Variants in CADM2 observed in about 807,000 individuals in gnomAD.
CADM2 encodes the protein immunoglobulin superfamily member 4D.
Under a neutral mutation model 49.8 loss-of-function variants are expected in CADM2, and 12 were observed. That is an observed-to-expected ratio of 0.24 (90% CI 0.15 to 0.39). The LOEUF (loss-of-function observed/expected upper bound fraction) is 0.39, where lower values mean the gene tolerates loss of function less well. Among genes scored for constraint, CADM2 ranks in the 10% least tolerant of loss-of-function variants. CADM2 has a pLI of 1.00. For synonymous variants in CADM2, 214 were observed against 175.4 expected (o/e 1.22, Z -1.74); for missense variants, 378 against 492.3 (o/e 0.77, Z 2.20).
At chr3:85,577,685 A>G in intron 1 of CADM2, among the ~76,000 whole-genome samples, 1 of 152,154 alleles carries the variant, frequency 6.6e-6, no homozygotes, top group East Asian at 1.9e-4. Flanking sequence ...CCTATATTTC[A>G]TGTTTTATTT....
At chr3:86,021,492 C>G (rs1733175667) in intron 8 of CADM2, among the ~76,000 whole-genome samples, 1 of 152,100 alleles carries the variant, frequency 6.6e-6, no homozygotes, top group Non-Finnish European at 1.5e-5. Context: ...CAGATTATCT[C>G]ATCATTTCTC....
At chr3:85,606,048 T>C (rs1318961446) in intron 1 of CADM2, among the ~76,000 whole-genome samples, 1 of 152,082 alleles carries the variant, frequency 6.6e-6, no homozygotes, top group Non-Finnish European at 1.5e-5. Context: ...ACTTTAATAA[T>C]AATAGCAGCA....
At chr3:85,297,814 T>G (rs146998869) in intron 1 of CADM2, among the ~76,000 whole-genome samples, 66 of 152,184 alleles carry the variant, frequency 4.3e-4, no homozygotes, top group African/African-American at 1.5e-3. Context: ...TTTGAACGAT[T>G]TTTCCCAAAT....
At chr3:85,700,561 A>T (rs1465918024) in intron 1 of CADM2, among the ~76,000 whole-genome samples, 2 of 152,222 alleles carry the variant, frequency 1.3e-5, no homozygotes, top group African/African-American at 4.8e-5. Context: ...TATTAGAAGC[A>T]TTCAGGACAC....
intron 1 of CADM2, among the ~76,000 whole-genome samples, chr3:85,422,402 C>T (rs552015530): frequency 8.5e-5 from 13 of 152,128 alleles, no homozygotes; most frequent in African/African-American, 2.4e-4. Context: ...CTCAGCTTCC[C>T]GAGTAGCTGG....
chr3:86,005,830 AC>A (rs1450916081), intron 8 of CADM2, among the ~76,000 whole-genome samples: 2 of 152,068 alleles, frequency 1.3e-5, no homozygotes, highest in African/African-American at 4.8e-5. Context: ...AATTTTTTGT[AC>A]CCATTAACTA....
At chr3:85,117,300 T>C (rs1220797148) in intron 1 of CADM2, among the ~76,000 whole-genome samples, 1 of 152,088 alleles carries the variant, frequency 6.6e-6, no homozygotes, top group Admixed American at 6.6e-5. Flanking sequence ...CTCAGTCTTT[T>C]GAAAATAGTA....
intron 3 of CADM2, among the ~76,000 whole-genome samples, chr3:85,804,547 C>T (rs1419067884): frequency 6.6e-6 from 1 of 152,130 alleles, no homozygotes; most frequent in Non-Finnish European, 1.5e-5. Context: ...ACTTGTACTG[C>T]TTTTTAAGGA....
rs189846731 is a variant in CADM2, at chr3:85,600,128, A to G, written c.62-126394A>G. On this transcript the variant is annotated intron_variant, in intron 1 of 9. Transcript: ENST00000383699. ...ATAATATTTCAACTTTCAAATACAA[A>G]TTATTGCTTAGTATCTTGCTGATCT... is the stretch of plus-strand genomic sequence containing the variant. Among the ~76,000 whole-genome samples, 20 of 152,076 alleles carry G rather than the reference A, an allele frequency of 1.3e-4. No individual in the cohort carries two copies. In the East Asian group the frequency reaches 3.7e-3, roughly 28 times the overall value.
intron 1 of CADM2, among the ~76,000 whole-genome samples, chr3:85,125,814 G>T (rs1307845064): frequency 6.6e-6 from 1 of 152,134 alleles, no homozygotes; most frequent in Non-Finnish European, 1.5e-5. Context: ...TAGCTCTAAT[G>T]ATAATGAATA....
At chr3:85,133,961 TG>T (rs1352150535) in intron 1 of CADM2, among the ~76,000 whole-genome samples, 1 of 152,168 alleles carries the variant, frequency 6.6e-6, no homozygotes, top group African/African-American at 2.4e-5. Flanking sequence ...ACGGAGGGGA[TG>T]GGAGGCTCAG....
intron 1 of CADM2, among the ~76,000 whole-genome samples, chr3:85,246,806 G>A (rs2042659519): frequency 6.6e-6 from 1 of 152,024 alleles, no homozygotes. Context: ...ATAACTTTCT[G>A]CCAAATTACT....
chr3:85,370,647 T>C (rs1445502773), intron 1 of CADM2, among the ~76,000 whole-genome samples: 1 of 152,148 alleles, frequency 6.6e-6, no homozygotes, highest in Non-Finnish European at 1.5e-5. Flanking sequence ...ACTATGTTAT[T>C]GGTTATGTAT....
At chr3:84,981,300 A>G (rs1226004851) in intron 1 of CADM2, among the ~76,000 whole-genome samples, 2 of 152,088 alleles carry the variant, frequency 1.3e-5, no homozygotes, top group Admixed American at 1.3e-4. Flanking sequence ...GAAAGAATAG[A>G]AAATCCTGTT....
chr3:85,716,773 T>A (rs932394883), intron 1 of CADM2, among the ~76,000 whole-genome samples: 2 of 152,156 alleles, frequency 1.3e-5, no homozygotes, highest in African/African-American at 4.8e-5. Context: ...CCATTGCTAG[T>A]TTTTGTCAGG....
intron 1 of CADM2, among the ~76,000 whole-genome samples, chr3:85,433,312 A>G (rs914958130): frequency 6.6e-6 from 1 of 152,088 alleles, no homozygotes; most frequent in Non-Finnish European, 1.5e-5. Context: ...ATAATTTCAT[A>G]TGTATATATT....
intron 1 of CADM2, among the ~76,000 whole-genome samples, chr3:85,550,642 G>A (rs62253969): frequency 0.51 from 77,966 of 152,048 alleles, 23,072 homozygotes; most frequent in East Asian, 0.85. Flanking sequence ...AAATTTATAT[G>A]CAAGATTCTA....
intron 1 of CADM2, among the ~76,000 whole-genome samples, chr3:85,123,704 C>T (rs534524295): frequency 3.4e-4 from 52 of 152,142 alleles, no homozygotes; most frequent in Middle Eastern, 6.8e-3. Context: ...TATATGTGCA[C>T]ACACATACAC....
intron 1 of CADM2, among the ~76,000 whole-genome samples, chr3:85,106,408 T>C (rs2038229225): frequency 6.6e-6 from 1 of 152,106 alleles, no homozygotes; most frequent in African/African-American, 2.4e-5. Flanking sequence ...ATTTGTAGCA[T>C]CCACCTGGTT....
Sources: allele counts gnomAD v4.1 joint callset (sites outside exome capture counted in the v4.1 genomes callset), GRCh38; gene constraint gnomAD v4.1.1; transcripts MANE v1.5; gene names NCBI Gene and HGNC (gene_info 2026-07-23, HGNC 2026-07-21).